Variants in DONSON observed in about 807,000 individuals in gnomAD.
DONSON encodes protein downstream neighbor of Son.
In DONSON, 43 loss-of-function variants were observed where a neutral mutation model predicts 62.1. That is an observed-to-expected ratio of 0.69 (90% CI 0.54 to 0.89). DONSON has a LOEUF of 0.89. Among genes scored for constraint, DONSON ranks in the 40% least tolerant of loss-of-function variants. DONSON has a pLI of 0.00. For synonymous variants in DONSON, 266 were observed against 264.6 expected, an observed-to-expected ratio of 1.01 and a Z score of -0.05; for missense variants, 696 against 697.5, an observed-to-expected ratio of 1.00 and a Z score of 0.03.
intron 7 of DONSON, 148 bp downstream of exon 7, chr21:33,581,803 G>C: frequency 1.4e-6 from 1 of 737,660 alleles, no homozygotes; most frequent in South Asian, 1.9e-5. Context: ...GATACTTAGG[G>C]GCTTATTTAG....
intron 5 of DONSON, among the ~76,000 whole-genome samples, chr21:33,582,885 C>A (rs891539483): frequency 3.9e-5 from 6 of 152,076 alleles, no homozygotes; most frequent in Non-Finnish European, 8.8e-5. Context: ...TGTGAGGCAT[C>A]TAGGTTGTGC....
At chr21:33,587,215 G>A (rs987145722) in intron 2 of DONSON, 7 of 317,074 alleles carry the variant, frequency 2.2e-5, no homozygotes, top group Non-Finnish European at 3.2e-5. Context: ...GTGATGAACT[G>A]GAGAAGTCAA....
At chr21:33,580,716 T>C (rs2086497948) in intron 8 of DONSON, among the ~76,000 whole-genome samples, 2 of 151,552 alleles carry the variant, frequency 1.3e-5, no homozygotes, top group Admixed American at 6.6e-5. Flanking sequence ...ACTCCGTCTA[T>C]ACTAAAAATA....
chr21:33,586,143 G>C lies in DONSON; in HGVS notation c.441C>G (p.Ser147=). 1 of 1,614,064 alleles carries C rather than the reference G, an allele frequency of 6.2e-7. No individual in the cohort carries two copies. ...HVSFSEPDIP[S]SKSTELPVDW... is the part of the protein sequence containing the mutation. ...CCACAGGTAACTCAGTACTTTTTGA[G>C]GACGGAATATCAGGCTCGGAGAATG... Residue 147 remains serine (S), a synonymous_variant, in exon 3 of 10, where the codon TCC becomes TCG. Transcript: ENST00000303071.
chr21:33,586,848 GGCTGTTC>G (rs199883218), intron 2 of DONSON, among the ~76,000 whole-genome samples: 4,086 of 152,102 alleles, frequency 0.027, 194 homozygotes, highest in African/African-American at 0.092. Context: ...ATATTGGCCA[GGCTGTTC>G]GCGAACTCCT....
In DONSON at chr21:33,577,690, CACACA is replaced by C. The variant is rs2086448261; in HGVS notation, c.*612_*616del. ...ACACACACACACACACACACACACA[CACACA>C]CACACACCCCTATAAGCACATTAAA... On this transcript the variant is annotated 3_prime_UTR_variant, in exon 10 of 10. Transcript: ENST00000303071. The C allele has an allele frequency of 1.7e-5, 2 of 116,466 alleles. No homozygotes were observed. The highest frequency in any genetic ancestry group is 7.6e-5 in the African/African-American group (2 of 26,198). 7.2% of individuals were successfully genotyped at this position (116,466 alleles called of 1,614,324 possible).
chr21:33,586,850 C>T (rs2086582947), intron 2 of DONSON, among the ~76,000 whole-genome samples: 1 of 144,288 alleles, frequency 6.9e-6, no homozygotes, highest in Non-Finnish European at 1.5e-5. Flanking sequence ...ATTGGCCAGG[C>T]TGTTCGCGAA....
rs1031144164 is a variant in DONSON at position 33,588,288 on chromosome 21, A to C, written c.321+33T>G. 3.2e-6 allele frequency: 4 copies of C among 1,241,646 alleles called. No homozygotes were observed. The African/African-American group carries it at 6.2e-5, about 19-fold the overall frequency. 76.9% of individuals were successfully genotyped at this position (1,241,646 alleles called of 1,614,324 possible). A position where few individuals can be genotyped will look rare whatever the true frequency, so the allele number is the denominator to read the frequency against. ...GCTGGCTCAACCCACGAAAGACAAG[A>C]GCCCCTTGGCGGCCAGGCTACAAGA... On this transcript the variant is annotated intron_variant, in intron 1 of 9. Transcript: ENST00000303071.
intron 5 of DONSON, 134 bp downstream of exon 5, chr21:33,583,354 C>T (rs947596375): frequency 1.3e-6 from 1 of 789,222 alleles, no homozygotes. Flanking sequence ...GAAAAAAAGC[C>T]AGAAATAAAG....
intron 8 of DONSON, among the ~76,000 whole-genome samples, chr21:33,580,499 A>G (rs1231835261): frequency 8.4e-6 from 1 of 118,910 alleles, no homozygotes; most frequent in East Asian, 2.6e-4. Flanking sequence ...AAAAAAAAAA[A>G]AAAAAGCAGG....
intron 8 of DONSON, among the ~76,000 whole-genome samples, chr21:33,580,291 G>C (rs1282838730): frequency 7.1e-6 from 1 of 141,762 alleles, no homozygotes; most frequent in Non-Finnish European, 1.5e-5. Flanking sequence ...AGGTGCAGTG[G>C]CTCATGCCTG....
In DONSON at chr21:33,578,207, T is replaced by A. The variant is rs1415675624; in HGVS notation, c.*100A>T. 7 of 1,314,174 alleles carry A rather than the reference T, an allele frequency of 5.3e-6. No homozygotes were observed. The highest frequency in any genetic ancestry group is 7.3e-6 in the Non-Finnish European group (7 of 957,460). 81.4% of individuals were successfully genotyped at this position (1,314,174 alleles called of 1,614,324 possible). ...GATGCTACTGTAGTAAAAGTTATGT[T>A]TATAAACATTTCAGTATATTCCTTC... On this transcript the variant is annotated 3_prime_UTR_variant, in exon 10 of 10. Coordinates refer to ENST00000303071, the MANE Select transcript of DONSON (RefSeq NM_017613.4).
At position 33,583,676 on chromosome 21, in the gene DONSON, A is replaced by G. The variant is rs1278697634; in HGVS notation, c.786-10T>C. On this transcript the variant is annotated splice_polypyrimidine_tract_variant and intron_variant, in intron 4 of 9. Coordinates refer to ENST00000303071, the MANE Select transcript of DONSON (RefSeq NM_017613.4). ...AGTAAAGCTCACAGACCTATGAAGT[A>G]AAAAAATTTTCTTAAGGTATTATTA... is the stretch of plus-strand genomic sequence containing the variant. The G allele has an allele frequency of 6.4e-7, 1 of 1,566,478 alleles. No individual in the cohort carries two copies. Among genetic ancestry groups the G allele is most frequent in the African/African-American group, 1.4e-5 (1 of 72,892 alleles).
intron 5 of DONSON, 96 bp downstream of exon 5, chr21:33,583,392 T>C: frequency 4.3e-6 from 4 of 938,968 alleles, no homozygotes; most frequent in Non-Finnish European, 6.1e-6. Context: ...ATGTTGCTAA[T>C]CAACTGGTAA....
rs560084014 is a variant in DONSON at position 33,579,474 on chromosome 21, G to A, written c.1439C>T (p.Ser480Phe). Residue 480 changes from serine (S) to phenylalanine (F), a missense_variant, in exon 9 of 10, where the codon TCT (serine) becomes TTT (phenylalanine). Physicochemically the swap from Ser to Phe is radical, Grantham distance 155. Coordinates refer to ENST00000303071, the MANE Select transcript of DONSON (RefSeq NM_017613.4). Reference protein sequence around the residue: ...LEITGPIMPHSLHSLTMLLKS... With the variant: ...LEITGPIMPHFLHSLTMLLKS... The stretch of plus-strand genomic sequence containing the variant: ...GAGCAGCATGGTCAGTGAATGCAGA[G>A]AATGAGGCATGATAGGACCTGTAAT... The A allele has an allele frequency of 1.4e-5, 22 of 1,614,246 alleles. No individual in the cohort carries two copies. The South Asian group carries it at 2.4e-4, about 18-fold the overall frequency.
At chr21:33,582,477 T>C (rs1282173012) in intron 5 of DONSON, among the ~76,000 whole-genome samples, 2 of 152,216 alleles carry the variant, frequency 1.3e-5, no homozygotes, top group Non-Finnish European at 2.9e-5. Context: ...AATCATATTG[T>C]ATTCCAGTTC....
At chr21:33,584,289 G>A (rs1056586536) in intron 4 of DONSON, among the ~76,000 whole-genome samples, 3 of 151,012 alleles carry the variant, frequency 2.0e-5, no homozygotes, top group Admixed American at 6.6e-5. Context: ...CTTGTGATCC[G>A]CCTGCCTCGG....
At position 33,582,259 on chromosome 21, in the gene DONSON, C is replaced by T. The variant is rs753572000; in HGVS notation, c.965-13G>A. ...GAAAATTCAATACCTATATGAGGAA[C>T]AAAAATGTAACTGAGTTGTCATTTA... On this transcript the variant is annotated splice_polypyrimidine_tract_variant and intron_variant, in intron 5 of 9. Coordinates refer to ENST00000303071, the MANE Select transcript of DONSON (RefSeq NM_017613.4). 1.3e-6 allele frequency: 2 copies of T among 1,595,118 alleles called. No homozygotes were observed. Among genetic ancestry groups the T allele is most frequent in the South Asian group, 2.2e-5 (2 of 90,146 alleles).
intron 2 of DONSON, chr21:33,587,250 CTGTT>C (rs1401217981): frequency 1.7e-6 from 1 of 604,034 alleles, no homozygotes; most frequent in Non-Finnish European, 2.1e-6. Context: ...GTGGTAAAAA[CTGTT>C]AGAGAGTAAA....
Sources: allele counts gnomAD v4.1 joint callset (sites outside exome capture counted in the v4.1 genomes callset), GRCh38; gene constraint gnomAD v4.1.1; transcripts MANE v1.5; gene names NCBI Gene and HGNC (gene_info 2026-07-23, HGNC 2026-07-21).